KCND2: variants seen among roughly 807,000 people sequenced by gnomAD.
KCND2 encodes potassium voltage-gated channel subfamily D member 2.
KCND2 carries 16 observed loss-of-function variants against 54.4 expected under a neutral mutation model. The ratio of observed to expected loss-of-function variants is 0.29; its 90% CI spans 0.20 to 0.45. The LOEUF (loss-of-function observed/expected upper bound fraction) is 0.45, where lower values mean the gene tolerates loss of function less well. Ranked by LOEUF, KCND2 falls within the 20% of genes least tolerant of loss-of-function variation. The pLI is 1.00. For missense variants in KCND2, 486 were observed against 824.2 expected, an observed-to-expected ratio of 0.59 and a Z score of 5.02; for synonymous variants, 317 against 310.7, an observed-to-expected ratio of 1.02 and a Z score of -0.21.
At chr7:120,318,829 T>C (rs1196689985) in intron 1 of KCND2, among the ~76,000 whole-genome samples, 2 of 152,062 alleles carry the variant, frequency 1.3e-5, no homozygotes, top group African/African-American at 4.8e-5. Flanking sequence ...GTACTGATCT[T>C]TGGAACAATG....
At chr7:120,735,974 GTTTA>G (rs1385704932) in intron 2 of KCND2, among the ~76,000 whole-genome samples, 1 of 152,016 alleles carries the variant, frequency 6.6e-6, no homozygotes, top group East Asian at 1.9e-4. Flanking sequence ...GGCTAAGACA[GTTTA>G]TTTATCTGGG....
intron 1 of KCND2, among the ~76,000 whole-genome samples, chr7:120,399,756 C>T (rs1227417897): frequency 6.6e-6 from 1 of 151,480 alleles, no homozygotes; most frequent in African/African-American, 2.4e-5. Context: ...AACAGAATCT[C>T]CTTGTGTCAC....
chr7:120,369,484 G>C (rs904444050), intron 1 of KCND2, among the ~76,000 whole-genome samples: 1 of 152,142 alleles, frequency 6.6e-6, no homozygotes, highest in Admixed American at 6.6e-5. Context: ...TTAAAGTACA[G>C]ATCTAAACAA....
chr7:120,735,274 G>A (rs1038734302), intron 2 of KCND2, among the ~76,000 whole-genome samples: 2 of 151,934 alleles, frequency 1.3e-5, no homozygotes, highest in African/African-American at 4.8e-5. Flanking sequence ...AGGGATTTCA[G>A]CCACAACTGA....
At chr7:120,464,386 A>G (rs1390569663) in intron 1 of KCND2, among the ~76,000 whole-genome samples, 1 of 152,154 alleles carries the variant, frequency 6.6e-6, no homozygotes, top group Non-Finnish European at 1.5e-5. Flanking sequence ...TAATGGTTGA[A>G]GAAGCAGACA....
intron 1 of KCND2, among the ~76,000 whole-genome samples, chr7:120,456,322 A>G (rs1222442472): frequency 1.3e-5 from 2 of 152,204 alleles, no homozygotes; most frequent in Admixed American, 6.5e-5. Flanking sequence ...ACCCATCTCT[A>G]TGAAGTAATG....
chr7:120,656,792 T>G, intron 1 of KCND2, among the ~76,000 whole-genome samples: 1 of 152,204 alleles, frequency 6.6e-6, no homozygotes, highest in Non-Finnish European at 1.5e-5. Flanking sequence ...AAATTATTAT[T>G]CCCCTCAATA....
intron 2 of KCND2, among the ~76,000 whole-genome samples, chr7:120,736,169 A>G (rs974415849): frequency 6.6e-6 from 1 of 152,116 alleles, no homozygotes; most frequent in Admixed American, 6.6e-5. Context: ...AAGCAAAAGC[A>G]TGAAATAGAC....
intron 1 of KCND2, among the ~76,000 whole-genome samples, chr7:120,278,318 A>C (rs1008491897): frequency 6.6e-6 from 1 of 151,922 alleles, no homozygotes; most frequent in East Asian, 1.9e-4. Context: ...TTCTATACTT[A>C]GAGGATGAAG....
At chr7:120,728,520 A>C (rs1792765149) in intron 1 of KCND2, among the ~76,000 whole-genome samples, 1 of 151,636 alleles carries the variant, frequency 6.6e-6, no homozygotes, top group South Asian at 2.1e-4. Context: ...TGAACTCCTG[A>C]CTCAGATGAT....
At position 120,704,259 on chromosome 7, in the gene KCND2, A is replaced by G. The variant is rs929222102; in HGVS notation, c.1116-28644A>G. ...ACGTAGCCAAGGAGCAATTTTAGAA[A>G]GAGACATTTCTAAAATATCAGAATT... On this transcript the variant is annotated intron_variant, in intron 1 of 5. Coordinates refer to ENST00000331113, the MANE Select transcript of KCND2 (RefSeq NM_012281.3). Among the ~76,000 whole-genome samples, 6 of 152,332 alleles carry G rather than the reference A, an allele frequency of 3.9e-5. 1 individual carries two copies. The South Asian group carries it at 1.2e-3, about 32-fold the overall frequency.
At chr7:120,340,800 A>T (rs1354008998) in intron 1 of KCND2, among the ~76,000 whole-genome samples, 1 of 152,158 alleles carries the variant, frequency 6.6e-6, no homozygotes, top group Non-Finnish European at 1.5e-5. Flanking sequence ...AATGGTCAAC[A>T]CTCTCTAGCT....
chr7:120,333,273 G>T (rs895910989), intron 1 of KCND2, among the ~76,000 whole-genome samples: 1 of 152,002 alleles, frequency 6.6e-6, no homozygotes, highest in Non-Finnish European at 1.5e-5. Context: ...TACTGTTTTC[G>T]AATTGCAAAG....
chr7:120,407,875 G>A (rs1482574488), intron 1 of KCND2, among the ~76,000 whole-genome samples: 1 of 151,844 alleles, frequency 6.6e-6, no homozygotes. Context: ...TGAAAGATGA[G>A]GCTGGAGAGA....
intron 1 of KCND2, among the ~76,000 whole-genome samples, chr7:120,289,521 A>G (rs1023845949): frequency 1.1e-4 from 17 of 152,098 alleles, no homozygotes; most frequent in African/African-American, 3.1e-4. Context: ...TGGGAGGATA[A>G]CAGGGAAAAT....
chr7:120,637,117 G>A (rs140759463), intron 1 of KCND2, among the ~76,000 whole-genome samples: 3 of 152,216 alleles, frequency 2.0e-5, no homozygotes, highest in East Asian at 3.9e-4. Flanking sequence ...TGAGTAAGAA[G>A]TGATGTTCCA....
chr7:120,523,474 A>T (rs1018981592), intron 1 of KCND2, among the ~76,000 whole-genome samples: 3 of 150,390 alleles, frequency 2.0e-5, no homozygotes, highest in African/African-American at 7.3e-5. Flanking sequence ...TAGGTTTAAT[A>T]TAATTTTTTA....
intron 1 of KCND2, among the ~76,000 whole-genome samples, chr7:120,506,411 A>G (rs879134840): frequency 1.3e-5 from 2 of 151,812 alleles, no homozygotes; most frequent in Non-Finnish European, 2.9e-5. Flanking sequence ...ATGGCCATAG[A>G]TTGCATACAG....
chr7:120,303,668 G>C (rs73429999), intron 1 of KCND2, among the ~76,000 whole-genome samples: 3,248 of 152,240 alleles, frequency 0.021, 133 homozygotes, highest in African/African-American at 0.074. Context: ...TGTTCATCCA[G>C]AGCAGCAGAA....
Sources: gnomAD v4.1 joint callset for allele counts (sites outside exome capture counted in the v4.1 genomes callset) on GRCh38, gnomAD v4.1.1 for gene constraint, MANE v1.5 for transcripts, NCBI Gene and HGNC (gene_info 2026-07-23, HGNC 2026-07-21) for gene names.